Variants in DCHS2 observed in about 807,000 individuals in gnomAD.
DCHS2 encodes the protein protocadherin-23.
Under a neutral mutation model 182.4 loss-of-function variants are expected in DCHS2, and 142 were observed. That is an observed-to-expected ratio of 0.78 (90% confidence interval 0.68 to 0.89). The LOEUF is 0.89. Among genes scored for constraint, DCHS2 ranks in the 40% least tolerant of loss-of-function variants. DCHS2 has a pLI of 0.00. For missense variants in DCHS2, 4,319 were observed against 4,198.6 expected, an observed-to-expected ratio of 1.03 and a Z score of -0.79; for synonymous variants, 1,740 against 1,663.3, an observed-to-expected ratio of 1.05 and a Z score of -1.12.
chr4:154,240,589 C>A lies in DCHS2; in HGVS notation c.7307G>T (p.Arg2436Leu), dbSNP rs148775215. 1.2e-5 allele frequency: 20 copies of A among 1,613,708 alleles called. No homozygotes were observed. The highest frequency in any genetic ancestry group is 1.3e-5 in the Non-Finnish European group (15 of 1,179,870). Residue 2436 changes from arginine (R) to leucine (L), a missense_variant, in exon 18 of 20, where the codon CGT (arginine) becomes CTT (leucine). Coordinates refer to ENST00000357232, the MANE Select transcript of DCHS2 (RefSeq NM_001358235.2). ...TGGATTATCATTGACATCCAGCACACGGACTACAAGTGCTCCCTCTGTGTA... is the reference window on the plus strand; with the variant it reads ...TGGATTATCATTGACATCCAGCACAAGGACTACAAGTGCTCCCTCTGTGTA... ...VHYTEGALVVRVLDVNDNPPV... is the reference protein window; with the variant it reads ...VHYTEGALVVLVLDVNDNPPV...
intron 1 of DCHS2, among the ~76,000 whole-genome samples, chr4:154,423,445 C>G (rs754981717): frequency 1.3e-5 from 2 of 152,194 alleles, no homozygotes; most frequent in Admixed American, 1.3e-4. Flanking sequence ...GTCTCTCCTG[C>G]TAAAATGTAA....
intron 1 of DCHS2, among the ~76,000 whole-genome samples, chr4:154,419,521 G>C (rs977519563): frequency 2.0e-5 from 3 of 151,610 alleles, no homozygotes; most frequent in Non-Finnish European, 4.4e-5. Flanking sequence ...TGTGGTGGTG[G>C]GCACCTGTAA....
chr4:154,326,028 T>A (rs1009473464), intron 7 of DCHS2, among the ~76,000 whole-genome samples: 2 of 152,234 alleles, frequency 1.3e-5, no homozygotes, highest in African/African-American at 4.8e-5. Context: ...ATATACCATA[T>A]TATGCAGACA....
chr4:154,368,121 C>T (rs1157371610), intron 2 of DCHS2, among the ~76,000 whole-genome samples: 1 of 152,140 alleles, frequency 6.6e-6, no homozygotes, highest in Non-Finnish European at 1.5e-5. Context: ...TCTATCTGGC[C>T]TTTATGCTTA....
At chr4:154,323,227 A>T in intron 7 of DCHS2, 16 of 1,546,040 alleles carry the variant, frequency 1.0e-5, no homozygotes, top group Non-Finnish European at 1.4e-5. Flanking sequence ...GATCTAGAGA[A>T]CTGACCAGAT....
intron 1 of DCHS2, among the ~76,000 whole-genome samples, chr4:154,442,542 CACACA>C (rs1453937646): frequency 1.9e-5 from 1 of 52,488 alleles, no homozygotes; most frequent in Non-Finnish European, 3.8e-5. Flanking sequence ...CCCCCCCCCC[CACACA>C]CACACACACA....
chr4:154,486,019 G>A (rs778846228), intron 1 of DCHS2, among the ~76,000 whole-genome samples: 3 of 152,214 alleles, frequency 2.0e-5, no homozygotes, highest in Non-Finnish European at 2.9e-5. Flanking sequence ...TCTCTGTCTT[G>A]ACCAAGAAGG....
chr4:154,400,910 T>C (rs982391338), intron 1 of DCHS2, among the ~76,000 whole-genome samples: 2 of 152,204 alleles, frequency 1.3e-5, no homozygotes, highest in African/African-American at 2.4e-5. Flanking sequence ...CCAAGCCTTT[T>C]CTCATCACTT....
intron 13 of DCHS2, among the ~76,000 whole-genome samples, chr4:154,293,084 T>A (rs1228671664): frequency 6.6e-6 from 1 of 152,184 alleles, no homozygotes; most frequent in Non-Finnish European, 1.5e-5. Flanking sequence ...TCCCTCTTCC[T>A]TCACCCTTGG....
intron 13 of DCHS2, among the ~76,000 whole-genome samples, chr4:154,276,454 G>T (rs1421450046): frequency 6.6e-6 from 1 of 152,042 alleles, no homozygotes; most frequent in Non-Finnish European, 1.5e-5. Context: ...AATTATAAAA[G>T]TATTTAGGTA....
At chr4:154,328,281 C>A in intron 6 of DCHS2, 89 bp from the exon 7 acceptor site, 1 of 847,414 alleles carries the variant, frequency 1.2e-6, no homozygotes, top group Non-Finnish European at 1.8e-6. Context: ...ATACATTATA[C>A]TAAACATTTT....
Position 154,255,660 on chromosome 4 carries a change from G to T in DCHS2, c.6800C>A (p.Thr2267Asn). 1 of 1,611,292 alleles carries T rather than the reference G, an allele frequency of 6.2e-7. No individual in the cohort carries two copies. Among genetic ancestry groups the T allele is most frequent in the Non-Finnish European group, 8.5e-7 (1 of 1,178,822 alleles). Residue 2267 changes from threonine (T) to asparagine (N), a missense_variant, in exon 16 of 20, where the codon ACC (threonine) becomes AAC (asparagine). By Grantham distance (65) the Thr-to-Asn change is moderately conservative. Transcript: ENST00000357232. ...GCCGTTCAAACCACTGTCCAAGTCG[G>T]TAGCAAAAACCTGTGAGGAACCGAC... ...YNAHVIQVFA[T>N]DLDSGLNGLI...
At chr4:154,391,089 A>G in intron 1 of DCHS2, 1 of 1,291,726 alleles carries the variant, frequency 7.7e-7, no homozygotes, top group Non-Finnish European at 1.1e-6. Flanking sequence ...TTTGGCCAGT[A>G]TGAATCTCAT....
chr4:154,326,871 T>C (rs7659825), intron 7 of DCHS2, among the ~76,000 whole-genome samples: 151,463 of 152,242 alleles, frequency 0.99, 75,345 homozygotes, highest in Middle Eastern at 1. Context: ...GTCTTTTGCT[T>C]TTCCACATGA....
At chr4:154,351,272 A>G (rs1448208677) in intron 3 of DCHS2, among the ~76,000 whole-genome samples, 1 of 152,224 alleles carries the variant, frequency 6.6e-6, no homozygotes, top group South Asian at 2.1e-4. Flanking sequence ...GGATTACACT[A>G]CAGACTCTCA....
At chr4:154,246,335 G>A (rs1732066563) in intron 16 of DCHS2, among the ~76,000 whole-genome samples, 1 of 152,036 alleles carries the variant, frequency 6.6e-6, no homozygotes, top group South Asian at 2.1e-4. Flanking sequence ...ACCTTCTCTG[G>A]AGAACTGAAA....
In DCHS2 at chr4:154,441,237, T is replaced by G. The variant is rs140118835; in HGVS notation, c.2052+48067A>C. 2.8e-3 allele frequency among the ~76,000 whole-genome samples: 434 copies of G among 152,316 alleles called. 1 individual carries two copies. The highest frequency in any genetic ancestry group is 0.01 in the African/African-American group (420 of 41,578). ...TTTTAAAACTGTAGCCAAAATATCTTCAATATGATAATACAGTATGTTCAA... is the reference window on the plus strand; with the variant it reads ...TTTTAAAACTGTAGCCAAAATATCTGCAATATGATAATACAGTATGTTCAA... On this transcript the variant is annotated intron_variant, in intron 1 of 19. Transcript: ENST00000357232.
At chr4:154,334,668 T>C (rs942900611) in intron 4 of DCHS2, 200 bp downstream of exon 4, 21 of 552,094 alleles carry the variant, frequency 3.8e-5, no homozygotes, top group African/African-American at 1.1e-4. Flanking sequence ...ATGCCTATTA[T>C]TTTTGTGATC....
rs1731579882 is a variant in DCHS2 at position 154,237,323 on chromosome 4, T to A, written c.7493-164A>T. On this transcript the variant is annotated intron_variant, in intron 19 of 19. Coordinates refer to ENST00000357232, the MANE Select transcript of DCHS2 (RefSeq NM_001358235.2). ...CCAAATAGAAATACAAATTATTGTA[T>A]TTATATGTTTATAACATGTAAGATA... The A allele has an allele frequency of 4.3e-6, 4 of 936,810 alleles. No homozygotes were observed. In the East Asian group the frequency reaches 1.1e-4, roughly 26 times the overall value. 58.0% of individuals were successfully genotyped at this position (936,810 alleles called of 1,614,324 possible). A position where few individuals can be genotyped will look rare whatever the true frequency, so the allele number is the denominator to read the frequency against.
Sources: gnomAD v4.1 joint callset for allele counts (sites outside exome capture counted in the v4.1 genomes callset) on GRCh38, gnomAD v4.1.1 for gene constraint, MANE v1.5 for transcripts, NCBI Gene and HGNC (gene_info 2026-07-23, HGNC 2026-07-21) for gene names.